Variants in RAB27A observed in about 807,000 individuals in gnomAD.
RAB27A encodes the protein RAB27A, member RAS oncogene family, also known as ras-related protein Rab-27A.
A neutral mutation model predicts 20.8 loss-of-function variants in RAB27A; 17 were observed. The ratio of observed to expected loss-of-function variants is 0.82; its 90% CI spans 0.56 to 1.23. The LOEUF is 1.23. Ranked by LOEUF, RAB27A falls within the 50% of genes most tolerant of loss-of-function variation. The pLI is 0.00. For missense variants in RAB27A, 277 were observed against 266.7 expected (o/e 1.04, Z -0.27); for synonymous variants, 85 against 92.8 (o/e 0.92, Z 0.48).
In RAB27A at chr15:55,311,920, G is replaced by T. The variant is rs1294809427; in HGVS notation, c.-112+2119C>A. Among the ~76,000 whole-genome samples, 4 of 152,154 alleles carry T rather than the reference G, an allele frequency of 2.6e-5. No homozygotes were observed. In the South Asian group the frequency reaches 8.3e-4, roughly 31 times the overall value. ...CTCCCAGAGCTCCCGATAGTGGCAG[G>T]CTGCTTCCAAGACGGTGGCAAGCCT... On this transcript the variant is annotated intron_variant, in intron 2 of 5. Coordinates refer to the RAB27A transcript ENST00000563262.
intron 1 of RAB27A, among the ~76,000 whole-genome samples, chr15:55,271,245 G>T (rs187827997): frequency 1.3e-5 from 2 of 152,066 alleles, no homozygotes; most frequent in Non-Finnish European, 2.9e-5. Context: ...CAGTATCACC[G>T]CCTCCTTCCT....
At chr15:55,283,726 A>G (rs761167787) in intron 1 of RAB27A, among the ~76,000 whole-genome samples, 31 of 152,350 alleles carry the variant, frequency 2.0e-4, no homozygotes, top group Non-Finnish European at 3.8e-4. Context: ...ATCATAGGTT[A>G]TATTTTAAAA....
intron 2 of RAB27A, among the ~76,000 whole-genome samples, chr15:55,239,637 A>G (rs905322019): frequency 7.9e-5 from 12 of 152,164 alleles, no homozygotes; most frequent in African/African-American, 2.9e-4. Flanking sequence ...TTTACCTGAA[A>G]GACCTGGCAG....
intron 6 of RAB27A, among the ~76,000 whole-genome samples, chr15:55,206,042 C>G (rs1021072983): frequency 6.6e-6 from 1 of 151,858 alleles, no homozygotes; most frequent in African/African-American, 2.4e-5. Context: ...GAAACCCCAT[C>G]TCTACAAAAA....
chr15:55,252,095 G>C (rs1896910272), intron 2 of RAB27A, among the ~76,000 whole-genome samples: 1 of 152,212 alleles, frequency 6.6e-6, no homozygotes, highest in East Asian at 1.9e-4. Flanking sequence ...CAACAAAGGG[G>C]AAGAGTAGTT....
intron 2 of RAB27A, among the ~76,000 whole-genome samples, chr15:55,236,682 T>C (rs1468136271): frequency 2.6e-5 from 4 of 152,166 alleles, no homozygotes; most frequent in Non-Finnish European, 5.9e-5. Flanking sequence ...AAATGGGATC[T>C]CTCTCCAGGG....
chr15:55,227,924 C>T (rs1459209096), intron 5 of RAB27A, among the ~76,000 whole-genome samples: 7 of 152,192 alleles, frequency 4.6e-5, no homozygotes, highest in East Asian at 1.9e-4. Context: ...GTTACACTAA[C>T]ATGACCAAAC....
intron 6 of RAB27A, among the ~76,000 whole-genome samples, chr15:55,211,123 C>T (rs1895007468): frequency 6.6e-6 from 1 of 152,048 alleles, no homozygotes; most frequent in African/African-American, 2.4e-5. Context: ...GCCTATGTGT[C>T]TGTTTTATGC....
chr15:55,211,485 A>AT (rs1895023154), intron 6 of RAB27A, among the ~76,000 whole-genome samples: 1 of 151,964 alleles, frequency 6.6e-6, no homozygotes, highest in Admixed American at 6.6e-5. Flanking sequence ...GGTTAAATTG[A>AT]TTTCTAGGTA....
At chr15:55,295,769 G>C (rs908037438) in intron 2 of RAB27A, among the ~76,000 whole-genome samples, 1 of 152,120 alleles carries the variant, frequency 6.6e-6, no homozygotes, top group Non-Finnish European at 1.5e-5. Context: ...CTTGGAACTA[G>C]ATAGAAGTGG....
At chr15:55,216,761 C>G (rs75980546) in intron 6 of RAB27A, among the ~76,000 whole-genome samples, 4,209 of 152,272 alleles carry the variant, frequency 0.028, 197 homozygotes, top group African/African-American at 0.093. Context: ...CCTCCCTACA[C>G]CAGAGATGCT....
At chr15:55,276,268 A>G (rs372666876) in intron 1 of RAB27A, among the ~76,000 whole-genome samples, 19 of 152,218 alleles carry the variant, frequency 1.2e-4, no homozygotes, top group Non-Finnish European at 2.5e-4. Flanking sequence ...CATACAATGA[A>G]AAAGTATTCA....
At chr15:55,220,617 T>C (rs1364108653) in intron 6 of RAB27A, among the ~76,000 whole-genome samples, 1 of 152,132 alleles carries the variant, frequency 6.6e-6, no homozygotes, top group Non-Finnish European at 1.5e-5. Context: ...AGCATAATAG[T>C]AACAAAAAAT....
At chr15:55,222,904 A>G (rs1895640157) in intron 6 of RAB27A, among the ~76,000 whole-genome samples, 1 of 152,208 alleles carries the variant, frequency 6.6e-6, no homozygotes, top group African/African-American at 2.4e-5. Context: ...GAAAGAAAGT[A>G]AAGTAAAAAT....
chr15:55,253,489 G>C (rs925203455), intron 2 of RAB27A, among the ~76,000 whole-genome samples: 1 of 151,908 alleles, frequency 6.6e-6, no homozygotes. Flanking sequence ...ATTCCAACTA[G>C]GTTCCTTCAC....
At chr15:55,256,417 A>T (rs1566923575) in intron 2 of RAB27A, among the ~76,000 whole-genome samples, 1 of 152,166 alleles carries the variant, frequency 6.6e-6, no homozygotes, top group Non-Finnish European at 1.5e-5. Context: ...CTGTCTCAAA[A>T]AAAGAAAGAA....
chr15:55,250,932 G>A (rs920633609), intron 2 of RAB27A, among the ~76,000 whole-genome samples: 1 of 152,322 alleles, frequency 6.6e-6, no homozygotes, highest in South Asian at 2.1e-4. Flanking sequence ...GATGGCAGCA[G>A]AGTGATATTC....
intron 2 of RAB27A, among the ~76,000 whole-genome samples, chr15:55,312,791 T>A (rs780450454): frequency 6.6e-6 from 1 of 152,244 alleles, no homozygotes; most frequent in Non-Finnish European, 1.5e-5. Flanking sequence ...TATGTATTCC[T>A]GTCACGTGAC....
At chr15:55,244,410 C>A (rs1896610940) in intron 2 of RAB27A, among the ~76,000 whole-genome samples, 1 of 152,094 alleles carries the variant, frequency 6.6e-6, no homozygotes, top group Middle Eastern at 3.2e-3. Flanking sequence ...TCATGTGATC[C>A]TCCAGTCTCA....
Sources: gnomAD v4.1 joint callset for allele counts (sites outside exome capture counted in the v4.1 genomes callset) on GRCh38, gnomAD v4.1.1 for gene constraint, MANE v1.5 for transcripts, NCBI Gene and HGNC (gene_info 2026-07-23, HGNC 2026-07-21) for gene names.